Variants in CDH4 observed in about 807,000 individuals in gnomAD.
The protein encoded by CDH4 is cadherin-4.
In CDH4, 33 loss-of-function variants were observed where a neutral mutation model predicts 86.0. The ratio of observed to expected loss-of-function variants is 0.38; its 90% confidence interval spans 0.29 to 0.51. The LOEUF (loss-of-function observed/expected upper bound fraction) is 0.51, where lower values mean the gene tolerates loss of function less well. Ranked by LOEUF, CDH4 falls within the 20% of genes least tolerant of loss-of-function variation. The pLI is 0.86. For missense variants in CDH4, 1,114 were observed against 1,307.4 expected (o/e 0.85, Z 2.28); for synonymous variants, 555 against 549.4 (o/e 1.01, Z -0.14).
In CDH4 at chr20:61,709,457, G is replaced by A. The variant is rs1464931679; in HGVS notation, c.170-34106G>A. Among the ~76,000 whole-genome samples, 2 of 152,010 alleles carry A rather than the reference G, an allele frequency of 1.3e-5. No individual in the cohort carries two copies. Among genetic ancestry groups the A allele is most frequent in the Non-Finnish European group, 2.9e-5 (2 of 67,990 alleles). ...GCCCGGCTATTTTTTTCTATTTTTA[G>A]GAGGGACGGGGTTTCACCATGTTGG... On this transcript the variant is annotated intron_variant, in intron 2 of 15. Transcript: ENST00000614565. This position sits in a 1 kb window ranked among gnomAD's most constrained non-coding sequence, Gnocchi z 4.8.
chr20:61,827,185 G>A (rs1280539549), intron 4 of CDH4, among the ~76,000 whole-genome samples: 5 of 152,130 alleles, frequency 3.3e-5, no homozygotes, highest in Non-Finnish European at 7.4e-5. Context: ...CATTAACAAA[G>A]CAAGCCCTGA....
chr20:61,359,580 C>T (rs1228565668), intron 2 of CDH4, among the ~76,000 whole-genome samples: 3 of 152,216 alleles, frequency 2.0e-5, no homozygotes, highest in Non-Finnish European at 2.9e-5. Flanking sequence ...GCAGGTGCTC[C>T]GTGTCCCGGC....
chr20:61,838,822 TAA>T (rs11412264), intron 4 of CDH4, among the ~76,000 whole-genome samples: 85 of 123,442 alleles, frequency 6.9e-4, no homozygotes, highest in East Asian at 2.1e-3. Context: ...AGACCCTGTC[TAA>T]AAAAAAAAAA....
intron 2 of CDH4, among the ~76,000 whole-genome samples, chr20:61,594,687 G>A (rs545771004): frequency 6.8e-4 from 103 of 152,278 alleles, no homozygotes; most frequent in African/African-American, 2.2e-3. Flanking sequence ...ATAAATGTGC[G>A]TCTTTAAGAA....
At chr20:61,798,629 T>G (rs928439427) in intron 4 of CDH4, among the ~76,000 whole-genome samples, 11 of 152,246 alleles carry the variant, frequency 7.2e-5, no homozygotes, top group African/African-American at 1.2e-4. Context: ...CCCTTGCTCC[T>G]GGTGACCAGT....
Position 61,544,765 on chromosome 20 carries a change from A to G in CDH4, c.170-198798A>G, listed in dbSNP as rs923121881. Among the ~76,000 whole-genome samples the G allele has an allele frequency of 6.6e-6, 1 of 152,116 alleles. No individual in the cohort carries two copies. Among genetic ancestry groups the G allele is most frequent in the Admixed American group, 6.5e-5 (1 of 15,284 alleles). ...CCACCTGAATGAATTGGCTTGGTCC[A>G]TGGACTGGAAGCCTGACTCCCCCGA... On this transcript the variant is annotated intron_variant, in intron 2 of 15. Transcript: ENST00000614565. The surrounding 1 kb of genome is among the most constrained non-coding windows in gnomAD (Gnocchi z 6.5).
At chr20:61,749,694 C>G (rs970921951) in intron 3 of CDH4, among the ~76,000 whole-genome samples, 2 of 151,894 alleles carry the variant, frequency 1.3e-5, no homozygotes, top group African/African-American at 4.8e-5. Context: ...AGTAATAAAA[C>G]TACTGGGATG....
intron 2 of CDH4, among the ~76,000 whole-genome samples, chr20:61,597,255 G>C (rs1177998483): frequency 6.6e-6 from 1 of 152,216 alleles, no homozygotes; most frequent in East Asian, 1.9e-4. Context: ...CCGATCTACA[G>C]ACTGAGAACC....
chr20:61,725,635 T>C (rs980185604), intron 2 of CDH4, among the ~76,000 whole-genome samples: 5 of 152,064 alleles, frequency 3.3e-5, no homozygotes, highest in Non-Finnish European at 7.4e-5. Context: ...ATTGCACTTA[T>C]GGGAAATGGA....
chr20:61,456,483 C>T (rs2085407534), intron 2 of CDH4, among the ~76,000 whole-genome samples: 1 of 152,196 alleles, frequency 6.6e-6, no homozygotes, highest in Admixed American at 6.5e-5. Flanking sequence ...TGGTAGAGTC[C>T]ACCCTGGGGA....
intron 2 of CDH4, among the ~76,000 whole-genome samples, chr20:61,410,094 T>G (rs141728158): frequency 5.9e-5 from 9 of 152,228 alleles, no homozygotes. Flanking sequence ...CCCATGAGAA[T>G]TGGCTCTTAC....
chr20:61,894,005 A>T (rs2122867877), intron 7 of CDH4, among the ~76,000 whole-genome samples: 1 of 152,288 alleles, frequency 6.6e-6, no homozygotes, highest in Non-Finnish European at 1.5e-5. Context: ...CCTCTTAGAG[A>T]AGCACGACTC....
At chr20:61,632,698 G>C (rs1175856048) in intron 2 of CDH4, among the ~76,000 whole-genome samples, 5 of 141,542 alleles carry the variant, frequency 3.5e-5, no homozygotes, top group Non-Finnish European at 6.1e-5. Context: ...CTTCCCCCAT[G>C]TACCTGACAA....
intron 2 of CDH4, among the ~76,000 whole-genome samples, chr20:61,522,305 GA>G (rs142969472): frequency 0.084 from 12,796 of 152,252 alleles, 628 homozygotes; most frequent in Non-Finnish European, 0.12. Flanking sequence ...AGCGGGTGGG[GA>G]GGGATCCCAG....
chr20:61,654,065 A>G (rs572147572), intron 2 of CDH4, among the ~76,000 whole-genome samples: 158 of 152,108 alleles, frequency 1.0e-3, no homozygotes, highest in African/African-American at 3.7e-3. Context: ...TTGGGAGGCC[A>G]AGGCAGGCGG....
rs1980391078 is a variant in CDH4, at chr20:61,810,735, G to A, written c.577-33933G>A. Among the ~76,000 whole-genome samples, 1 of 152,268 alleles carries A rather than the reference G, an allele frequency of 6.6e-6. No homozygotes were observed. Among genetic ancestry groups the A allele is most frequent in the South Asian group, 2.1e-4 (1 of 4,826 alleles). ...TAGATGACGTGTAGCCGCATTCAGG[G>A]TCTGGCTGCCAGGGCAGAACCAAGC... On this transcript the variant is annotated intron_variant, in intron 4 of 15. Coordinates refer to ENST00000614565, the MANE Select transcript of CDH4 (RefSeq NM_001794.5). This position sits in a 1 kb window ranked among gnomAD's most constrained non-coding sequence, Gnocchi z 4.3.
chr20:61,576,072 G>T lies in CDH4; in HGVS notation c.170-167491G>T, dbSNP rs566527185. Among the ~76,000 whole-genome samples, 14 of 152,244 alleles carry T rather than the reference G, an allele frequency of 9.2e-5. No homozygotes were observed. In the South Asian group the frequency reaches 2.3e-3, roughly 25 times the overall value. On this transcript the variant is annotated intron_variant, in intron 2 of 15. Coordinates refer to ENST00000614565, the MANE Select transcript of CDH4 (RefSeq NM_001794.5). ...AAGTGGAGGGGAAGATGAAAGAGGG[G>T]GTCCAGAGGGTGTGCTCCCCATTCG... is the stretch of plus-strand genomic sequence containing the variant.
Position 61,254,890 on chromosome 20 carries a change from C to T in CDH4, c.122C>T (p.Thr41Met), listed in dbSNP as rs369415715. 75 of 1,613,004 alleles carry T rather than the reference C, an allele frequency of 4.6e-5. No homozygotes were observed. The highest frequency in any genetic ancestry group is 6.1e-5 in the Non-Finnish European group (72 of 1,179,096). The change falls in exon 2 of 16, where the codon ACG (threonine) becomes ATG (methionine). Residue 41 changes from threonine (T) to methionine (M), a missense_variant. Physicochemically the swap from Thr to Met is moderately conservative, Grantham distance 81 (BLOSUM62 -1). Transcript: ENST00000614565. ...CKAGFSEDDY[T>M]ALISQNILEG... ...GCTGGGTTCTCTGAAGATGATTACA[C>T]GGCATTAATCTCCCAAAATATTCTA...
intron 2 of CDH4, among the ~76,000 whole-genome samples, chr20:61,628,317 A>T (rs918537524): frequency 2.0e-5 from 3 of 150,638 alleles, no homozygotes; most frequent in Admixed American, 6.6e-5. Flanking sequence ...CCCTCTGCAC[A>T]TGGAACCGGG....
Sources: gnomAD v4.1 joint callset for allele counts (sites outside exome capture counted in the v4.1 genomes callset) on GRCh38, gnomAD v4.1.1 for gene constraint, Gnocchi (gnomAD v3.1) non-coding constraint, MANE v1.5 for transcripts, NCBI Gene and HGNC (gene_info 2026-07-23, HGNC 2026-07-21) for gene names.